The following ANKRD36C variants were observed in gnomAD, a reference collection of about 807,000 sequenced individuals.
ANKRD36C encodes the protein ankyrin repeat domain-containing protein 36C.
In ANKRD36C, 61 loss-of-function variants were observed where a neutral mutation model predicts 276.4. The observed-to-expected ratio is 0.22, with a 90% CI of 0.18 to 0.27. The LOEUF (loss-of-function observed/expected upper bound fraction) is 0.27. Among genes scored for constraint, ANKRD36C ranks in the 10% least tolerant of loss-of-function variants. The pLI, the probability that ANKRD36C is intolerant of heterozygous loss-of-function variation, is 1.00. For synonymous variants in ANKRD36C, 483 were observed against 680.1 expected (o/e 0.71, Z 4.51); for missense variants, 1,447 against 2,032.3 (o/e 0.71, Z 5.54).
intron 52 of ANKRD36C, among the ~76,000 whole-genome samples, chr2:95,885,781 C>T (rs957118593): frequency 6.6e-6 from 1 of 151,806 alleles, no homozygotes; most frequent in Non-Finnish European, 1.5e-5. Context: ...CAAAATGATG[C>T]TGTCCCCTGA....
intron 44 of ANKRD36C, 125 bp from the exon 59 acceptor site, chr2:95,897,590 T>C: frequency 8.5e-7 from 1 of 1,177,524 alleles, no homozygotes; most frequent in Non-Finnish European, 1.2e-6. Flanking sequence ...TGATGGCTTC[T>C]ACTTTGTGTC....
chr2:95,975,231 C>T (rs1166981007), intron 6 of ANKRD36C, among the ~76,000 whole-genome samples: 1 of 152,128 alleles, frequency 6.6e-6, no homozygotes, highest in Admixed American at 6.6e-5. Flanking sequence ...TCAATGCCAT[C>T]CCAGCAACCT....
At position 95,915,171 on chromosome 2, in the gene ANKRD36C, C is replaced by G. The variant is rs181187621; in HGVS notation, c.2449+809G>C. ...TCTAAAATAGCCTTGTTAGGAGTAT[C>G]ATGTTATTTTCTAAAGAAGTTTCAT... On this transcript the variant is annotated intron_variant, in intron 38 of 66. Transcript: ENST00000456556. Among the ~76,000 whole-genome samples, 34 of 151,618 alleles carry G rather than the reference C, an allele frequency of 2.2e-4. No homozygotes were observed. The East Asian group carries it at 6.7e-3, about 30-fold the overall frequency.
In ANKRD36C at chr2:95,912,523, A is replaced by G. The variant is rs995320896; in HGVS notation, c.2552-88T>C. 14 of 1,586,700 alleles carry G rather than the reference A, an allele frequency of 8.8e-6. No homozygotes were observed. The African/African-American group carries it at 1.9e-4, about 21-fold the overall frequency. ...CGCACAGTGTTAGCATCAACCTCTGACCTCCTGCCTGTATTAGTGGAGGCT... is the reference window on the plus strand; with the variant it reads ...CGCACAGTGTTAGCATCAACCTCTGGCCTCCTGCCTGTATTAGTGGAGGCT... On this transcript the variant is annotated intron_variant, in intron 40 of 66. Coordinates refer to ENST00000456556, the Ensembl canonical transcript of ANKRD36C.
chr2:95,970,292 T>C (rs1203208235), intron 6 of ANKRD36C, among the ~76,000 whole-genome samples: 1 of 152,180 alleles, frequency 6.6e-6, no homozygotes, highest in Non-Finnish European at 1.5e-5. Context: ...TAGCTATTCA[T>C]TCACCCTATG....
Position 95,902,993 on chromosome 2 carries a change from A to G in ANKRD36C, c.2654-3657T>C. Reference sequence around the variant, plus strand: ...ATTTGAAATGCAATAATAAATTAATAAAGTATGCTTCATAGACTATACATT... The same window carrying G: ...ATTTGAAATGCAATAATAAATTAATGAAGTATGCTTCATAGACTATACATT... On this transcript the variant is annotated intron_variant, in intron 42 of 66. Coordinates refer to ENST00000456556, the Ensembl canonical transcript of ANKRD36C. The G allele has an allele frequency of 4.4e-6, 7 of 1,575,038 alleles. 1 individual carries two copies. The highest frequency in any genetic ancestry group is 4.6e-5 in the East Asian group (2 of 43,362).
chr2:95,903,327 A>C (rs1676712986), intron 42 of ANKRD36C, among the ~76,000 whole-genome samples: 1 of 150,564 alleles, frequency 6.6e-6, no homozygotes, highest in Non-Finnish European at 1.5e-5. Flanking sequence ...AAAAATTAAA[A>C]TAAAACCATG....
intron 44 of ANKRD36C, chr2:95,893,562 T>C (rs1236282922): frequency 1.5e-5 from 23 of 1,557,282 alleles, no homozygotes; most frequent in Non-Finnish European, 1.8e-5. Flanking sequence ...ATCCTTTTTT[T>C]CTCTGGCTAT....
intron 39 of ANKRD36C, 42 bp from the exon 42 acceptor site, chr2:95,914,222 G>A: frequency 1.3e-6 from 2 of 1,561,946 alleles, no homozygotes; most frequent in Non-Finnish European, 1.7e-6. Context: ...AATAAAGTAT[G>A]TTTCATAGAC....
chr2:95,963,984 T>TA, intron 6 of ANKRD36C, among the ~76,000 whole-genome samples: 1 of 19,358 alleles, frequency 5.2e-5, no homozygotes, highest in Non-Finnish European at 8.5e-5. Context: ...TATATATATA[T>TA]ATATATATAT....
intron 46 of ANKRD36C, among the ~76,000 whole-genome samples, chr2:95,891,452 C>A (rs1335637259): frequency 5.9e-5 from 9 of 151,444 alleles, no homozygotes; most frequent in African/African-American, 1.9e-4. Flanking sequence ...CTTCTTCCCA[C>A]TTTCAATGGG....
At chr2:95,924,268 T>A (rs1340751321) in intron 30 of ANKRD36C, among the ~76,000 whole-genome samples, 1 of 151,598 alleles carries the variant, frequency 6.6e-6, no homozygotes, top group Admixed American at 6.6e-5. Context: ...ATCATACACA[T>A]GTGGTGGAAT....
At chr2:95,851,334 C>T (rs1355764595) in intron 66 of ANKRD36C, 139 bp from the exon 87 acceptor site, 17 of 743,414 alleles carry the variant, frequency 2.3e-5, no homozygotes, top group Non-Finnish European at 3.3e-5. Context: ...AAATGCTCTA[C>T]AATCTGAAAC....
intron 60 of ANKRD36C, among the ~76,000 whole-genome samples, chr2:95,867,053 T>A (rs1675696428): frequency 6.6e-6 from 1 of 152,212 alleles, no homozygotes; most frequent in Non-Finnish European, 1.5e-5. Flanking sequence ...TGTGATTTTT[T>A]ACAACTATAT....
chr2:95,923,945 T>C (rs1677342101), intron 30 of ANKRD36C, among the ~76,000 whole-genome samples: 1 of 151,668 alleles, frequency 6.6e-6, no homozygotes. Flanking sequence ...AGTGTTAGTA[T>C]CAATGTGAAT....
At chr2:95,975,006 G>A (rs1454800668) in intron 6 of ANKRD36C, among the ~76,000 whole-genome samples, 1 of 151,860 alleles carries the variant, frequency 6.6e-6, no homozygotes, top group East Asian at 1.9e-4. Context: ...TGGCTGCATA[G>A]TATTCCATGG....
chr2:95,853,152 A>G (rs1675330564), intron 64 of ANKRD36C: 1 of 154,066 alleles, frequency 6.5e-6, no homozygotes, highest in South Asian at 2.0e-4. Context: ...GCCCAATACA[A>G]AAGGAGTAAC....
At chr2:95,890,127 G>C (rs1676304555) in intron 46 of ANKRD36C, 133 bp from the exon 67 acceptor site, 1 of 1,217,278 alleles carries the variant, frequency 8.2e-7, no homozygotes, top group South Asian at 1.3e-5. Context: ...TCTATATTGT[G>C]TCGGGGACAA....
At chr2:95,969,609 T>C (rs1438520315) in intron 6 of ANKRD36C, among the ~76,000 whole-genome samples, 2 of 152,174 alleles carry the variant, frequency 1.3e-5, no homozygotes, top group Non-Finnish European at 2.9e-5. Context: ...ACCAACAATA[T>C]CGTCATGGTT....
Sources: gnomAD v4.1 joint callset for allele counts (sites outside exome capture counted in the v4.1 genomes callset) on GRCh38, gnomAD v4.1.1 for gene constraint, MANE v1.5 for transcripts, NCBI Gene and HGNC (gene_info 2026-07-23, HGNC 2026-07-21) for gene names.